PLEKHH1: variants seen among roughly 807,000 people sequenced by gnomAD.
PLEKHH1 encodes the protein pleckstrin homology domain-containing family H member 1.
PLEKHH1 carries 104 observed loss-of-function variants against 160.0 expected under a neutral mutation model. The observed-to-expected ratio is 0.65, with a 90% CI of 0.55 to 0.76. The LOEUF is 0.76. PLEKHH1 is among the 30% of genes least tolerant of loss of function. The probability of loss-of-function intolerance (pLI) is 0.00; values close to 1 mark genes in which losing one functional copy is unlikely to be tolerated. For synonymous variants in PLEKHH1, 619 were observed against 678.4 expected (o/e 0.91, Z 1.36); for missense variants, 1,427 against 1,724.1 (o/e 0.83, Z 3.05).
intron 15 of PLEKHH1, 33 bp downstream of exon 15, chr14:67,575,505 C>G: frequency 7.5e-7 from 1 of 1,338,478 alleles, no homozygotes; most frequent in Non-Finnish European, 1.1e-6. Flanking sequence ...TACCCACTCT[C>G]CTGCTTCCCC....
chr14:67,575,604 C>T (rs2035590947), intron 15 of PLEKHH1, 132 bp downstream of exon 15: 1 of 749,540 alleles, frequency 1.3e-6, no homozygotes, highest in African/African-American at 1.7e-5. Context: ...GGCTGGATCC[C>T]TCCAGAGTGT....
intron 5 of PLEKHH1, among the ~76,000 whole-genome samples, chr14:67,560,106 A>G (rs1268734705): frequency 6.6e-6 from 1 of 152,124 alleles, no homozygotes; most frequent in Non-Finnish European, 1.5e-5. Flanking sequence ...GGCTTACCGC[A>G]ACCTCCGCCT....
chr14:67,583,610 G>A, intron 24 of PLEKHH1, 131 bp from the exon 25 acceptor site: 1 of 614,148 alleles, frequency 1.6e-6, no homozygotes. Flanking sequence ...TTTTTCTAAA[G>A]TATTTTTCAC....
intron 5 of PLEKHH1, among the ~76,000 whole-genome samples, chr14:67,561,289 T>C (rs2140415495): frequency 6.6e-6 from 1 of 152,324 alleles, no homozygotes; most frequent in Middle Eastern, 3.4e-3. Flanking sequence ...GGCTCACACC[T>C]GTAGTCCCAG....
At chr14:67,586,363 T>G (rs1319215103) in intron 28 of PLEKHH1, 1 of 1,412,548 alleles carries the variant, frequency 7.1e-7, no homozygotes, top group Admixed American at 2.1e-5. Flanking sequence ...TTTTATTCTC[T>G]CAAGCCCCAG....
At chr14:67,538,431 G>A (rs1170177259) in intron 1 of PLEKHH1, among the ~76,000 whole-genome samples, 1 of 152,156 alleles carries the variant, frequency 6.6e-6, no homozygotes, top group African/African-American at 2.4e-5. Context: ...AATAACACAT[G>A]CGTCGCAATG....
intron 2 of PLEKHH1, among the ~76,000 whole-genome samples, chr14:67,542,742 C>T (rs2034021242): frequency 2.0e-5 from 3 of 151,580 alleles, no homozygotes; most frequent in Admixed American, 2.0e-4. Flanking sequence ...CTCTTGTTGC[C>T]CAGGCTGGAG....
In PLEKHH1 at chr14:67,557,410, G is replaced by T; in HGVS notation, c.331G>T (p.Glu111Ter). 1 of 1,613,172 alleles carries T rather than the reference G, an allele frequency of 6.2e-7. No individual in the cohort carries two copies. Among genetic ancestry groups the T allele is most frequent in the Non-Finnish European group, 8.5e-7 (1 of 1,179,772 alleles). Residue 111 changes from glutamate (E) to a stop codon, truncating the protein, a stop_gained, in exon 4 of 29, where the codon GAG becomes TAG. Transcript: ENST00000329153. LOFTEE classifies it high-confidence loss of function. ...CATCAGCCAGCTAGAGGCTCAGCTG[G>T]AGAAGCAGGTAAGGGCTCATGCGCA... ...ELISQLEAQL[E>*]KQKQMRAEEA...
At chr14:67,570,444 GAAT>G in intron 9 of PLEKHH1, 3 of 229,282 alleles carry the variant, frequency 1.3e-5, no homozygotes, top group Non-Finnish European at 2.2e-5. Flanking sequence ...ACTGGTTTTT[GAAT>G]AATAGTAATA....
rs199498245 is a variant in PLEKHH1, at chr14:67,585,956, G to A, written c.3792G>A (p.Val1264=). Residue 1264 remains valine, a synonymous_variant, in exon 28 of 29, where the codon GTG becomes GTA. Coordinates refer to ENST00000329153, the MANE Select transcript of PLEKHH1 (RefSeq NM_020715.3). ...TGACTGGTTCCTTTCCACAGCAAGT[G>A]CACATCACTTACCCCTACTCTTCAG... ...VSILDHNTMQ[V]HITYPYSSVT... The A allele has an allele frequency of 1.2e-5, 19 of 1,612,146 alleles. No homozygotes were observed. Among genetic ancestry groups the A allele is most frequent in the Admixed American group, 1.7e-5 (1 of 59,800 alleles).
At chr14:67,575,654 A>T in intron 15 of PLEKHH1, 169 bp from the exon 16 acceptor site, 1 of 703,570 alleles carries the variant, frequency 1.4e-6, no homozygotes. Flanking sequence ...TTCTCCAAGC[A>T]AGCCTCATTC....
At chr14:67,549,338 T>C (rs2034303614) in intron 2 of PLEKHH1, among the ~76,000 whole-genome samples, 1 of 151,918 alleles carries the variant, frequency 6.6e-6, no homozygotes. Context: ...TGGTGTGATC[T>C]CAGCTCACTG....
intron 2 of PLEKHH1, among the ~76,000 whole-genome samples, chr14:67,547,731 C>T (rs2034236480): frequency 6.6e-6 from 1 of 152,216 alleles, no homozygotes; most frequent in African/African-American, 2.4e-5. Context: ...TGGAAGAATG[C>T]CCTTCTTCCT....
chr14:67,567,081 C>G (rs971678257), intron 7 of PLEKHH1, among the ~76,000 whole-genome samples: 1 of 152,126 alleles, frequency 6.6e-6, no homozygotes, highest in Non-Finnish European at 1.5e-5. Flanking sequence ...GTAACTTGCT[C>G]CTGGGGAAAA....
At position 67,575,855 on chromosome 14, in the gene PLEKHH1, G is replaced by C. The variant is rs756811274; in HGVS notation, c.2202G>C (p.Ala734=). 6.2e-7 allele frequency: 1 copy of C among 1,613,868 alleles called. No homozygotes were observed. Among genetic ancestry groups the C allele is most frequent in the Admixed American group, 1.7e-5 (1 of 60,014 alleles). ...TGGGCTGCCTGCCTGTGCGGGATGC[G>C]CACATAGAGGAAGTAGATCGATCCT... ...RPLGCLPVRD[A]HIEEVDRSCD... Residue 734 remains alanine (A), a synonymous_variant, in exon 16 of 29, where the codon GCG becomes GCC. Transcript: ENST00000329153.
chr14:67,569,691 G>A (rs115605294), intron 8 of PLEKHH1: 35 of 572,840 alleles, frequency 6.1e-5, no homozygotes, highest in African/African-American at 5.4e-4. Context: ...AGGAAAAAAT[G>A]GTTAAAGGTA....
intron 9 of PLEKHH1, 84 bp downstream of exon 9, chr14:67,570,096 G>A (rs2035301050): frequency 3.1e-6 from 3 of 975,914 alleles, no homozygotes; most frequent in South Asian, 2.8e-5. Context: ...CGGGGCTCTA[G>A]GGCCAGGCTT....
Position 67,575,452 on chromosome 14 carries a change from T to G in PLEKHH1, c.2149T>G (p.Tyr717Asp). 1 of 1,606,222 alleles carries G rather than the reference T, an allele frequency of 6.2e-7. No homozygotes were observed. Among genetic ancestry groups the G allele is most frequent in the Non-Finnish European group, 8.5e-7 (1 of 1,175,620 alleles). Residue 717 changes from tyrosine (Y) to aspartate (D), a missense_variant, in exon 15 of 29, where the codon TAT becomes GAT. Transcript: ENST00000329153. Reference sequence around the variant, plus strand: ...TCTTGTTGGGAAAATCTTCTACTACTATCGGAGCCATGAGGACAAGGTACT... The same window carrying G: ...TCTTGTTGGGAAAATCTTCTACTACGATCGGAGCCATGAGGACAAGGTACT... The part of the protein sequence containing the change: ...CALVGKIFYY[Y>D]RSHEDKRPLG...
chr14:67,533,666 C>T (rs1194273374), intron 1 of PLEKHH1: 1 of 152,152 alleles, frequency 6.6e-6, no homozygotes, highest in Non-Finnish European at 1.5e-5. Flanking sequence ...GATCCAGCCG[C>T]TCCTGGGAAG....
Sources: allele counts gnomAD v4.1 joint callset (sites outside exome capture counted in the v4.1 genomes callset), GRCh38; gene constraint gnomAD v4.1.1; transcripts MANE v1.5; gene names NCBI Gene and HGNC (gene_info 2026-07-23, HGNC 2026-07-21).